Variants in KANK4 observed in about 807,000 individuals in gnomAD.
KANK4 encodes KN motif and ankyrin repeat domain-containing protein 4.
In KANK4, 50 loss-of-function variants were observed where a neutral mutation model predicts 80.8. The ratio of observed to expected loss-of-function variants is 0.62; its 90% confidence interval spans 0.49 to 0.78. The LOEUF (loss-of-function observed/expected upper bound fraction) is 0.78. KANK4 is among the 30% of genes least tolerant of loss of function. The probability of loss-of-function intolerance (pLI) is 0.00; values close to 1 mark genes in which losing one functional copy is unlikely to be tolerated. For missense variants in KANK4, 1,196 were observed against 1,240.1 expected (o/e 0.96, Z 0.53); for synonymous variants, 465 against 506.9 (o/e 0.92, Z 1.11).
At chr1:62,295,454 G>A (rs12078087) in intron 1 of KANK4, among the ~76,000 whole-genome samples, 34,581 of 152,138 alleles carry the variant, frequency 0.23, 4,202 homozygotes, top group Middle Eastern at 0.34. Context: ...CACTGCACCT[G>A]GCCTTGCTCA....
Position 62,263,132 on chromosome 1 carries a change from G to C in KANK4, c.2499C>G (p.Ser833=). The C allele has an allele frequency of 6.2e-7, 1 of 1,613,672 alleles. No homozygotes were observed. The highest frequency in any genetic ancestry group is 2.2e-5 in the East Asian group (1 of 44,884). The part of the protein sequence containing the change: ...NGNTALHYSV[S]HSNFSIVKLL... ...GCTTCACGATGGAGAAGTTGGAGTGGGACACGCTGTAGTGAAGGGCCGTGT... is the reference window on the plus strand; with the variant it reads ...GCTTCACGATGGAGAAGTTGGAGTGCGACACGCTGTAGTGAAGGGCCGTGT... The change falls in exon 7 of 10, where the codon TCC becomes TCG. Residue 833 remains serine (S), a synonymous_variant. Transcript: ENST00000371153.
intron 1 of KANK4, among the ~76,000 whole-genome samples, chr1:62,315,108 A>G (rs1644528722): frequency 6.6e-6 from 1 of 152,222 alleles, no homozygotes; most frequent in African/African-American, 2.4e-5. Context: ...AGAAAGGCCC[A>G]TTAGAAGCCT....
In KANK4 at chr1:62,237,469, A is replaced by G. The variant is rs541810019; in HGVS notation, c.*808T>C. 12 of 152,246 alleles carry G rather than the reference A, an allele frequency of 7.9e-5. No homozygotes were observed. Among genetic ancestry groups the G allele is most frequent in the Non-Finnish European group, 1.5e-4 (10 of 68,020 alleles). The allele number at this position is 152,246 out of a possible 1,614,324, so 9.4% of individuals were successfully genotyped here. A position where few individuals can be genotyped will look rare whatever the true frequency, so the allele number is the denominator to read the frequency against. On this transcript the variant is annotated 3_prime_UTR_variant, in exon 10 of 10. Coordinates refer to ENST00000371153, the MANE Select transcript of KANK4 (RefSeq NM_181712.5). ...TTTTTTTGTTTCTTCCACAGACTCA[A>G]AATAGCTGAGAGAATCTGACTCTGC... is the stretch of plus-strand genomic sequence containing the variant.
Position 62,273,942 on chromosome 1 carries a change from C to G in KANK4, c.1162G>C (p.Glu388Gln), listed in dbSNP as rs758485869. Reference protein sequence around the residue: ...KAREQRIRELEFTVAQLEGQF... With the variant: ...KAREQRIRELQFTVAQLEGQF... The stretch of plus-strand genomic sequence containing the variant: ...CCTTCCAGTTGGGCTACAGTGAACT[C>G]CAGCTCTCGAATTCTTTGCTCCCTA... The change falls in exon 3 of 10, where the codon GAG (glutamate) becomes CAG (glutamine). Residue 388 changes from glutamate (E) to glutamine (Q), a missense_variant. This residue lies in a region of KANK4 where 1,154 missense variants were observed against 1,179.6 expected (regional missense o/e 0.98). Coordinates refer to ENST00000371153, the MANE Select transcript of KANK4 (RefSeq NM_181712.5). The G allele has an allele frequency of 4.3e-6, 7 of 1,614,208 alleles. No homozygotes were observed. The highest frequency in any genetic ancestry group is 5.9e-6 in the Non-Finnish European group (7 of 1,180,044).
chr1:62,273,492 TCTCCTCC>T lies in KANK4; in HGVS notation c.1605_1611del (p.Glu536ProfsTer27). ...TCCTTCCCTGGGAGATTGGAACTGG[TCTCCTCC>T]CTCCCTGCTGGGGGAGTCTTTCTGT... On this transcript the variant is annotated frameshift_variant, in exon 3 of 10. Transcript: ENST00000371153. LOFTEE classifies it high-confidence loss of function. 5 of 1,613,938 alleles carry T rather than the reference TCTCCTCC, an allele frequency of 3.1e-6. No individual in the cohort carries two copies. The highest frequency in any genetic ancestry group is 4.2e-6 in the Non-Finnish European group (5 of 1,179,912).
rs550319561 is a variant in KANK4 at position 62,253,861 on chromosome 1, T to A, written c.2540-652A>T. 2.6e-5 allele frequency among the ~76,000 whole-genome samples: 4 copies of A among 152,360 alleles called. No homozygotes were observed. The South Asian group carries it at 8.3e-4, about 32-fold the overall frequency. On this transcript the variant is annotated intron_variant, in intron 7 of 9. Transcript: ENST00000371153. ...ATTCCCATTTTACAGATGAGGACAC[T>A]GAGGGCCAGAGAAGTTACATTGTCC...
In KANK4 at chr1:62,274,138, G is replaced by C; in HGVS notation, c.966C>G (p.Ser322Arg). The C allele has an allele frequency of 1.2e-6, 2 of 1,614,146 alleles. No homozygotes were observed. The highest frequency in any genetic ancestry group is 1.7e-6 in the Non-Finnish European group (2 of 1,180,034). ...TTTCCTCAGTTACCCTGATGCCAAT[G>C]CTTCTCATGTCCACCTCTACAGGTG... is the stretch of plus-strand genomic sequence containing the variant. The part of the protein sequence containing the change: ...PPPPVEVDMR[S>R]IGIRVTEESL... The change falls in exon 3 of 10, where the codon AGC becomes AGG. Residue 322 changes from serine (S) to arginine (R), a missense_variant. Coordinates refer to ENST00000371153, the MANE Select transcript of KANK4 (RefSeq NM_181712.5).
intron 8 of KANK4, among the ~76,000 whole-genome samples, chr1:62,248,759 G>A (rs145194691): frequency 0.021 from 3,102 of 151,150 alleles, 94 homozygotes; most frequent in African/African-American, 0.072. Flanking sequence ...TGACCAGGCT[G>A]GTCTTGAACT....
At position 62,238,355 on chromosome 1, in the gene KANK4, A is replaced by G. The variant is rs569683686; in HGVS notation, c.2910T>C (p.Ala970=). The change falls in exon 10 of 10, where the codon GCT becomes GCC. Residue 970 remains alanine, a synonymous_variant. Transcript: ENST00000371153. ...DKAGRTALSI[A]LKSPTHMEIA... ...TTTCCATATGGGTGGGTGACTTCAG[A>G]GCGATGGACAAAGCTGTGCGGCCAG... 3.1e-6 allele frequency: 5 copies of G among 1,614,026 alleles called. No homozygotes were observed. Among genetic ancestry groups the G allele is most frequent in the Non-Finnish European group, 4.2e-6 (5 of 1,180,016 alleles).
intron 9 of KANK4, 23 bp from the exon 10 acceptor site, chr1:62,238,404 G>A (rs755916041): frequency 5.6e-6 from 9 of 1,603,376 alleles, no homozygotes; most frequent in Non-Finnish European, 7.7e-6. Context: ...AAGGAAAGAA[G>A]AAATAAATAT....
chr1:62,262,599 C>T (rs565796946), intron 7 of KANK4, among the ~76,000 whole-genome samples: 1 of 152,124 alleles, frequency 6.6e-6, no homozygotes, highest in South Asian at 2.1e-4. Context: ...ATAACGTATA[C>T]TCACATATAC....
intron 8 of KANK4, among the ~76,000 whole-genome samples, chr1:62,252,628 C>G (rs1671650460): frequency 6.6e-6 from 1 of 152,236 alleles, no homozygotes; most frequent in Admixed American, 6.5e-5. Context: ...TGTTAAAAGG[C>G]TTTGGGGTGA....
intron 7 of KANK4, among the ~76,000 whole-genome samples, chr1:62,254,074 T>A (rs1051629942): frequency 5.3e-5 from 8 of 152,024 alleles, no homozygotes; most frequent in Admixed American, 3.3e-4. Context: ...GGCCTAGGGG[T>A]CTACTGTGCC....
intron 1 of KANK4, among the ~76,000 whole-genome samples, chr1:62,293,166 C>A (rs908863534): frequency 7.9e-5 from 12 of 152,038 alleles, no homozygotes; most frequent in African/African-American, 2.9e-4. Flanking sequence ...CGGCTCACTG[C>A]AACCTCTGCC....
chr1:62,268,631 C>T (rs1570994156), intron 4 of KANK4, 126 bp from the exon 5 acceptor site: 2 of 722,894 alleles, frequency 2.8e-6, no homozygotes, highest in Non-Finnish European at 4.7e-6. Context: ...CCACTCTCTA[C>T]ACCTGCCGGC....
chr1:62,296,675 C>G (rs1026594858), intron 1 of KANK4, among the ~76,000 whole-genome samples: 5 of 152,006 alleles, frequency 3.3e-5, no homozygotes, highest in African/African-American at 9.7e-5. Context: ...CCTCAGTCTC[C>G]TGAGTAGCTG....
intron 3 of KANK4, chr1:62,272,322 A>G (rs745365273): frequency 3.3e-5 from 5 of 152,378 alleles, no homozygotes; most frequent in African/African-American, 7.2e-5. Flanking sequence ...CTGTACACAC[A>G]CACATGCACG....
intron 1 of KANK4, chr1:62,298,012 AG>A (rs1186624316): frequency 6.6e-6 from 1 of 152,164 alleles, no homozygotes; most frequent in East Asian, 1.9e-4. Flanking sequence ...GGGCAGGAGG[AG>A]GGTGGAATGG....
chr1:62,302,054 A>G (rs1231150076), intron 1 of KANK4, among the ~76,000 whole-genome samples: 3 of 152,044 alleles, frequency 2.0e-5, no homozygotes, highest in Non-Finnish European at 2.9e-5. Flanking sequence ...GTCAGTTTTG[A>G]GAAGACTGTT....
Sources: allele counts gnomAD v4.1 joint callset (sites outside exome capture counted in the v4.1 genomes callset), GRCh38; gene constraint gnomAD v4.1.1; regional missense constraint gnomAD v4.1.1; transcripts MANE v1.5; gene names NCBI Gene and HGNC (gene_info 2026-07-23, HGNC 2026-07-21).